The following DMXL2 variants were observed in gnomAD, a reference collection of about 807,000 sequenced individuals.
DMXL2 encodes Dmx like 2.
A neutral mutation model predicts 331.1 loss-of-function variants in DMXL2; 103 were observed. The ratio of observed to expected loss-of-function variants is 0.31; its 90% CI spans 0.27 to 0.37. The LOEUF (loss-of-function observed/expected upper bound fraction) is 0.37, where lower values mean the gene tolerates loss of function less well. Among genes scored for constraint, DMXL2 ranks in the 10% least tolerant of loss-of-function variants. The pLI, the probability that DMXL2 is intolerant of heterozygous loss-of-function variation, is 1.00. For synonymous variants in DMXL2, 1,281 were observed against 1,252.1 expected (o/e 1.02, Z -0.49); for missense variants, 3,171 against 3,642.9 (o/e 0.87, Z 3.33).
intron 23 of DMXL2, among the ~76,000 whole-genome samples, chr15:51,482,040 T>C (rs572648128): frequency 6.6e-6 from 1 of 152,308 alleles, no homozygotes; most frequent in Admixed American, 6.5e-5. Flanking sequence ...AAGAGCTAGA[T>C]TTCTCTGAAA....
Position 51,448,828 on chromosome 15 carries a change from C to A in DMXL2, c.*156G>T. Reference sequence around the variant, plus strand: ...TAATAAGGTACATGCGCATTCATTCCACCAACCTGTTTAGATAATACTCAG... The same window carrying A: ...TAATAAGGTACATGCGCATTCATTCAACCAACCTGTTTAGATAATACTCAG... On this transcript the variant is annotated 3_prime_UTR_variant, in exon 44 of 44. Transcript: ENST00000560891. 1.4e-6 allele frequency: 1 copy of A among 729,454 alleles called. No individual in the cohort carries two copies. The highest frequency in any genetic ancestry group is 1.9e-5 in the South Asian group (1 of 53,162). The allele number at this position is 729,454 out of a possible 1,614,324, so 45.2% of individuals were successfully genotyped here.
intron 13 of DMXL2, among the ~76,000 whole-genome samples, chr15:51,525,769 C>T (rs1180598237): frequency 3.3e-5 from 5 of 151,912 alleles, no homozygotes; most frequent in Admixed American, 1.3e-4. Flanking sequence ...AGTACCAGCT[C>T]GGCCACAGTA....
chr15:51,555,114 C>T (rs1242071473), intron 6 of DMXL2, among the ~76,000 whole-genome samples: 3 of 152,066 alleles, frequency 2.0e-5, no homozygotes, highest in Non-Finnish European at 2.9e-5. Context: ...GCCAAGATTG[C>T]GCCACAGCAC....
At chr15:51,470,466 C>T (rs533860426) in intron 29 of DMXL2, among the ~76,000 whole-genome samples, 27 of 152,212 alleles carry the variant, frequency 1.8e-4, no homozygotes, top group African/African-American at 6.3e-4. Context: ...AGCTTCCAAA[C>T]TCATGTTGAA....
chr15:51,591,626 G>C (rs957496209), intron 1 of DMXL2, among the ~76,000 whole-genome samples: 3 of 152,188 alleles, frequency 2.0e-5, no homozygotes, highest in African/African-American at 7.2e-5. Context: ...CGGACAGACT[G>C]CCTCCTCAAG....
At position 51,460,267 on chromosome 15, in the gene DMXL2, G is replaced by A. The variant is rs891284543; in HGVS notation, c.7927-607C>T. The A allele has an allele frequency of 7.7e-5, 76 of 985,388 alleles. No individual in the cohort carries two copies. In the African/African-American group the frequency reaches 1.3e-3, roughly 17 times the overall value. 61.0% of individuals were successfully genotyped at this position (985,388 alleles called of 1,614,324 possible). A position where few individuals can be genotyped will look rare whatever the true frequency, so the allele number is the denominator to read the frequency against. ...TGTGGAAACTCTGAAGGTTTGATCA[G>A]AGAAACAAACTCTTCCTCATACCTT... On this transcript the variant is annotated intron_variant, in intron 33 of 43. Transcript: ENST00000560891.
In DMXL2 at chr15:51,459,188, G is replaced by T. The variant is rs1442241857; in HGVS notation, c.7990-393C>A. 5 of 194,222 alleles carry T rather than the reference G, an allele frequency of 2.6e-5. No homozygotes were observed. The East Asian group carries it at 6.1e-4, about 24-fold the overall frequency. 12.0% of individuals were successfully genotyped at this position (194,222 alleles called of 1,614,324 possible). A position where few individuals can be genotyped will look rare whatever the true frequency, so the allele number is the denominator to read the frequency against. On this transcript the variant is annotated intron_variant, in intron 34 of 43. Coordinates refer to ENST00000560891, the MANE Select transcript of DMXL2 (RefSeq NM_001378457.1). The stretch of plus-strand genomic sequence containing the variant: ...GTAAAAAGCCATAGAAAACCGCAAA[G>T]AAACCACCCTTTGAAGTAAGGGTGG...
At chr15:51,453,722 A>T (rs1163784111) in intron 40 of DMXL2, 81 bp from the exon 41 acceptor site, 5 of 1,125,998 alleles carry the variant, frequency 4.4e-6, no homozygotes, top group Non-Finnish European at 5.3e-6. Flanking sequence ...GTCTGCTAAT[A>T]ACATACTATA....
At chr15:51,484,933 A>G (rs1362643347) in intron 23 of DMXL2, among the ~76,000 whole-genome samples, 1 of 152,052 alleles carries the variant, frequency 6.6e-6, no homozygotes, top group Non-Finnish European at 1.5e-5. Flanking sequence ...TCAATGAATG[A>G]AATAAAAAAT....
At chr15:51,558,573 T>C (rs569820979) in intron 6 of DMXL2, among the ~76,000 whole-genome samples, 1 of 152,216 alleles carries the variant, frequency 6.6e-6, no homozygotes, top group Non-Finnish European at 1.5e-5. Context: ...TTGTTAGTTA[T>C]TGGAACTACT....
chr15:51,471,219 T>C lies in DMXL2; in HGVS notation c.7392+4A>G. On this transcript the variant is annotated splice_donor_region_variant and intron_variant, in intron 29 of 43. Transcript: ENST00000560891. ...TTAAAGCTTGCATTCCTCACACTCC[T>C]TACCTTTGCAACAAAATAATCCCAC... is the stretch of plus-strand genomic sequence containing the variant. The C allele has an allele frequency of 6.2e-7, 1 of 1,613,328 alleles. No individual in the cohort carries two copies. The highest frequency in any genetic ancestry group is 8.5e-7 in the Non-Finnish European group (1 of 1,179,498).
chr15:51,474,407 C>A lies in DMXL2; in HGVS notation c.7150G>T (p.Ala2384Ser). 1 of 1,613,968 alleles carries A rather than the reference C, an allele frequency of 6.2e-7. No homozygotes were observed. Among genetic ancestry groups the A allele is most frequent in the Middle Eastern group, 1.7e-4 (1 of 6,056 alleles). Residue 2384 changes from alanine (A) to serine (S), a missense_variant, in exon 28 of 44, where the codon GCT (alanine) becomes TCT (serine). Physicochemically the swap from Ala to Ser is moderately conservative, Grantham distance 99 (BLOSUM62 1). Coordinates refer to ENST00000560891, the MANE Select transcript of DMXL2 (RefSeq NM_001378457.1). ...AHPLNNRMWAAVFGGGVKLVV... is the reference protein window; with the variant it reads ...AHPLNNRMWASVFGGGVKLVV... ...AGTTTTACACCGCCTCCAAAAACAG[C>A]AGCCCACATTCGATTATTTAATGGG...
At chr15:51,474,159 A>G (rs1227594039) in intron 28 of DMXL2, among the ~76,000 whole-genome samples, 185 bp downstream of exon 28, 4 of 152,198 alleles carry the variant, frequency 2.6e-5, no homozygotes, top group Non-Finnish European at 2.9e-5. Flanking sequence ...TATTTCTATA[A>G]AAATAAAAGT....
At chr15:51,612,072 G>A (rs1042115845) in intron 1 of DMXL2, among the ~76,000 whole-genome samples, 1 of 152,128 alleles carries the variant, frequency 6.6e-6, no homozygotes, top group African/African-American at 2.4e-5. Context: ...TGACCGCGAA[G>A]GTCTGCGGCT....
At chr15:51,482,894 T>A (rs2042116602) in intron 23 of DMXL2, among the ~76,000 whole-genome samples, 1 of 151,538 alleles carries the variant, frequency 6.6e-6, no homozygotes, top group African/African-American at 2.4e-5. Context: ...TTGACTGGAG[T>A]GTCAAAGGGA....
At chr15:51,561,288 G>A (rs1423460564) in intron 6 of DMXL2, among the ~76,000 whole-genome samples, 2 of 152,242 alleles carry the variant, frequency 1.3e-5, no homozygotes, top group East Asian at 1.9e-4. Flanking sequence ...CGTAGCGTTA[G>A]TTGGATAGTG....
At chr15:51,521,113 T>C (rs1292237250) in intron 13 of DMXL2, among the ~76,000 whole-genome samples, 1 of 152,148 alleles carries the variant, frequency 6.6e-6, no homozygotes, top group African/African-American at 2.4e-5. Flanking sequence ...GACACTAATA[T>C]GTACAACTTG....
At chr15:51,510,478 T>C (rs963584449) in intron 15 of DMXL2, among the ~76,000 whole-genome samples, 11 of 152,122 alleles carry the variant, frequency 7.2e-5, no homozygotes, top group African/African-American at 2.4e-4. Flanking sequence ...ATAAAATACC[T>C]AGGAATACAA....
intron 36 of DMXL2, chr15:51,457,731 G>A: frequency 2.8e-6 from 1 of 352,428 alleles, no homozygotes; most frequent in Non-Finnish European, 5.2e-6. Flanking sequence ...TGTTATCTAT[G>A]GAAAAATATT....
Sources: allele counts gnomAD v4.1 joint callset (sites outside exome capture counted in the v4.1 genomes callset), GRCh38; gene constraint gnomAD v4.1.1; transcripts MANE v1.5; gene names NCBI Gene and HGNC (gene_info 2026-07-23, HGNC 2026-07-21).